Variants in RIMS2 observed in about 807,000 individuals in gnomAD.
RIMS2 encodes the protein regulating synaptic membrane exocytosis 2.
A neutral mutation model predicts 174.4 loss-of-function variants in RIMS2; 59 were observed. The observed-to-expected ratio is 0.34, with a 90% CI of 0.27 to 0.42. RIMS2 has a LOEUF of 0.42. Among genes scored for constraint, RIMS2 ranks in the 10% least tolerant of loss-of-function variants. The probability of loss-of-function intolerance (pLI) is 1.00; values close to 1 mark genes in which losing one functional copy is unlikely to be tolerated. For missense variants in RIMS2, 1,620 were observed against 1,666.3 expected (o/e 0.97, Z 0.48); for synonymous variants, 606 against 572.5 (o/e 1.06, Z -0.84).
At chr8:103,759,199 C>A (rs1015043796) in intron 2 of RIMS2, among the ~76,000 whole-genome samples, 2 of 152,028 alleles carry the variant, frequency 1.3e-5, no homozygotes, top group African/African-American at 2.4e-5. Context: ...AGGGAATCAC[C>A]CTTCGGGATG....
Position 103,915,600 on chromosome 8 carries a change from GT to G in RIMS2, c.1912+10del. On this transcript the variant is annotated splice_region_variant and intron_variant, in intron 7 of 23. Coordinates refer to ENST00000504942, the Ensembl canonical transcript of RIMS2. ...TGTAGGACATCTTAGACCAGGTAGG[GT>G]TTTACCTTTGATTATTTACATTTAA... 6.9e-7 allele frequency: 1 copy of G among 1,458,248 alleles called. No individual in the cohort carries two copies. The highest frequency in any genetic ancestry group is 9.5e-7 in the Non-Finnish European group (1 of 1,048,036). The allele number at this position is 1,458,248 out of a possible 1,614,324, so 90.3% of individuals were successfully genotyped here.
At chr8:103,614,891 A>G (rs2095470449) in intron 1 of RIMS2, among the ~76,000 whole-genome samples, 1 of 152,164 alleles carries the variant, frequency 6.6e-6, no homozygotes, top group African/African-American at 2.4e-5. Flanking sequence ...ACTGCCCTTT[A>G]TATGAAGATT....
intron 3 of RIMS2, among the ~76,000 whole-genome samples, chr8:103,881,154 A>C (rs1422532415): frequency 6.6e-6 from 1 of 151,510 alleles, no homozygotes; most frequent in Non-Finnish European, 1.5e-5. Flanking sequence ...ATAATATAAA[A>C]TTTGAATTTA....
Position 104,001,048 on chromosome 8 carries a change from T to C in RIMS2, c.3044+11627T>C, listed in dbSNP as rs538486345. Among the ~76,000 whole-genome samples the C allele has an allele frequency of 6.7e-4, 102 of 152,074 alleles. 2 individuals are homozygous for C. In the Middle Eastern group the frequency reaches 0.014, roughly 20 times the overall value. ...ACTTTGTTTATTGTTTTCTAAACTG[T>C]ACAGAAGCTTTTCACCTTGATAGAA... is the stretch of plus-strand genomic sequence containing the variant. On this transcript the variant is annotated intron_variant, in intron 17 of 23. Coordinates refer to ENST00000504942, the Ensembl canonical transcript of RIMS2.
intron 7 of RIMS2, among the ~76,000 whole-genome samples, 178 bp downstream of exon 10, chr8:103,915,772 A>G (rs535498997): frequency 1.3e-5 from 2 of 152,130 alleles, no homozygotes; most frequent in Non-Finnish European, 2.9e-5. Context: ...GTAGATAAAA[A>G]TCATTTTTAT....
intron 3 of RIMS2, among the ~76,000 whole-genome samples, chr8:103,779,597 T>C (rs1179702263): frequency 6.6e-6 from 1 of 151,936 alleles, no homozygotes; most frequent in Non-Finnish European, 1.5e-5. Context: ...GTTCATGTCC[T>C]TTGTAGGGTC....
chr8:103,643,281 C>G (rs1419266077), intron 1 of RIMS2, among the ~76,000 whole-genome samples: 1 of 152,026 alleles, frequency 6.6e-6, no homozygotes, highest in Non-Finnish European at 1.5e-5. Context: ...GAGTTTCCCT[C>G]TCTTTGCTCA....
chr8:103,759,331 C>T (rs1422828365), intron 2 of RIMS2, among the ~76,000 whole-genome samples: 2 of 151,802 alleles, frequency 1.3e-5, no homozygotes, highest in African/African-American at 2.4e-5. Flanking sequence ...TTTGGGAGGC[C>T]GAGGCAGGCG....
At chr8:104,238,029 G>A (rs967112670) in intron 19 of RIMS2, among the ~76,000 whole-genome samples, 4 of 151,782 alleles carry the variant, frequency 2.6e-5, no homozygotes, top group East Asian at 1.9e-4. Context: ...ATTTACAATA[G>A]CAAATACTTG....
chr8:104,089,553 T>G (rs566301060), intron 19 of RIMS2, among the ~76,000 whole-genome samples: 22 of 151,852 alleles, frequency 1.4e-4, no homozygotes, highest in Non-Finnish European at 2.7e-4. Context: ...GTATTCTTTC[T>G]CACTGTCCAG....
chr8:103,805,634 A>G (rs1054997883), intron 3 of RIMS2, among the ~76,000 whole-genome samples: 2 of 152,146 alleles, frequency 1.3e-5, no homozygotes, highest in Non-Finnish European at 2.9e-5. Flanking sequence ...GAGCTGGAAA[A>G]TTAAACTTTA....
intron 1 of RIMS2, among the ~76,000 whole-genome samples, chr8:103,628,457 C>T (rs1319229410): frequency 1.3e-5 from 2 of 151,510 alleles, no homozygotes; most frequent in Admixed American, 1.3e-4. Context: ...CGGTTTCAGG[C>T]AATTTTCCTG....
chr8:103,920,600 C>T (rs1008010407), intron 9 of RIMS2: 5 of 455,188 alleles, frequency 1.1e-5, no homozygotes, highest in Admixed American at 7.1e-5. Context: ...ATCTGTACTT[C>T]CACATACCTG....
chr8:103,624,311 C>G (rs2095720640), intron 1 of RIMS2, among the ~76,000 whole-genome samples: 1 of 152,180 alleles, frequency 6.6e-6, no homozygotes, highest in African/African-American at 2.4e-5. Flanking sequence ...GGAATTCTCC[C>G]CATTTGCTGG....
intron 1 of RIMS2, among the ~76,000 whole-genome samples, chr8:103,624,724 G>C (rs1032506011): frequency 6.6e-6 from 1 of 152,048 alleles, no homozygotes; most frequent in East Asian, 1.9e-4. Context: ...ACTATTCTAA[G>C]TATTTACAAA....
intron 3 of RIMS2, among the ~76,000 whole-genome samples, chr8:103,854,833 G>A (rs13270856): frequency 0.24 from 35,979 of 151,610 alleles, 4,388 homozygotes; most frequent in South Asian, 0.34. Context: ...TTCTTTTCTC[G>A]TGGTATATAT....
rs540161444 is a variant in RIMS2, at chr8:104,139,390, C to T, written c.3335-105526C>T. 1.8e-4 allele frequency among the ~76,000 whole-genome samples: 27 copies of T among 152,180 alleles called. 1 individual carries two copies. In the South Asian group the frequency reaches 5.6e-3, roughly 32 times the overall value. On this transcript the variant is annotated intron_variant, in intron 19 of 23. Transcript: ENST00000504942. ...TTTAACAATATTGATTCTTCCAGTC[C>T]ATGAACATGGAATATCTTTCCATTT...
At position 104,078,248 on chromosome 8, in the gene RIMS2, A is replaced by T. The variant is rs531341074; in HGVS notation, c.3334+63633A>T. ...TTATTTGTGATTAATCTTCGATTTTAAAAGTTTCTAGTTTAGGTTTCTTTT... is the reference window on the plus strand; with the variant it reads ...TTATTTGTGATTAATCTTCGATTTTTAAAGTTTCTAGTTTAGGTTTCTTTT... On this transcript the variant is annotated intron_variant, in intron 19 of 23. Transcript: ENST00000504942. Among the ~76,000 whole-genome samples the T allele has an allele frequency of 1.1e-4, 16 of 151,538 alleles. 1 individual carries two copies. Among genetic ancestry groups the T allele is most frequent in the Non-Finnish European group, 1.6e-4 (11 of 67,908 alleles).
chr8:103,607,035 CT>C (rs2133999770), intron 1 of RIMS2, among the ~76,000 whole-genome samples: 1 of 151,650 alleles, frequency 6.6e-6, no homozygotes, highest in South Asian at 2.1e-4. Flanking sequence ...TGAATCTGAT[CT>C]TGTCGTTATG....
Sources: gnomAD v4.1 joint callset for allele counts (sites outside exome capture counted in the v4.1 genomes callset) on GRCh38, gnomAD v4.1.1 for gene constraint, MANE v1.5 for transcripts, NCBI Gene and HGNC (gene_info 2026-07-23, HGNC 2026-07-21) for gene names.